The following PDGFRL variants were observed in gnomAD, a reference collection of about 807,000 sequenced individuals.
The protein encoded by PDGFRL is platelet-derived growth factor receptor-like protein.
PDGFRL carries 46 observed loss-of-function variants against 37.2 expected under a neutral mutation model. That is an observed-to-expected ratio of 1.24 (90% CI 0.98 to 1.58). The LOEUF (loss-of-function observed/expected upper bound fraction) is 1.58. Among genes scored for constraint, PDGFRL ranks in the 40% most tolerant of loss-of-function variants. The probability of loss-of-function intolerance (pLI) is 0.00; values close to 1 mark genes in which losing one functional copy is unlikely to be tolerated. For missense variants in PDGFRL, 692 were observed against 467.6 expected (o/e 1.48, Z -4.43); for synonymous variants, 251 against 184.3 (o/e 1.36, Z -2.93).
intron 1 of PDGFRL, among the ~76,000 whole-genome samples, chr8:17,578,324 C>T (rs1245981627): frequency 6.6e-6 from 1 of 152,186 alleles, no homozygotes; most frequent in African/African-American, 2.4e-5. Flanking sequence ...TTCATCCTGA[C>T]CAGTTCCTTT....
At chr8:17,609,634 TAAAAAAA>T (rs3040922) in intron 2 of PDGFRL, among the ~76,000 whole-genome samples, 647 of 43,546 alleles carry the variant, frequency 0.015, 9 homozygotes, top group Middle Eastern at 0.05. Context: ...TGAGACTCTG[TAAAAAAA>T]AAAAAAAAAA....
intron 1 of PDGFRL, among the ~76,000 whole-genome samples, chr8:17,588,904 A>G (rs182143158): frequency 6.6e-6 from 1 of 152,172 alleles, no homozygotes; most frequent in African/African-American, 2.4e-5. Context: ...TTGTTTTCTA[A>G]GGGCAAATTT....
intron 2 of PDGFRL, among the ~76,000 whole-genome samples, chr8:17,595,340 C>T (rs1804029009): frequency 6.6e-6 from 1 of 152,162 alleles, no homozygotes; most frequent in Non-Finnish European, 1.5e-5. Flanking sequence ...CCAAAGGTGC[C>T]CAGGGTCTGG....
intron 2 of PDGFRL, among the ~76,000 whole-genome samples, chr8:17,608,987 G>T (rs530335664): frequency 6.6e-6 from 1 of 152,320 alleles, no homozygotes; most frequent in Admixed American, 6.5e-5. Flanking sequence ...GGCAGACTGA[G>T]GCAGGAGGAT....
chr8:17,640,342 T>A (rs1805065704), intron 5 of PDGFRL, among the ~76,000 whole-genome samples: 1 of 152,172 alleles, frequency 6.6e-6, no homozygotes, highest in South Asian at 2.1e-4. Context: ...TTCTGGGGTG[T>A]TAAAGAAACT....
intron 2 of PDGFRL, among the ~76,000 whole-genome samples, chr8:17,606,897 T>TG (rs1804292297): frequency 1.2e-4 from 1 of 8,442 alleles, no homozygotes. Flanking sequence ...TTTTTTTGTT[T>TG]TTTTTTTTTT....
intron 2 of PDGFRL, chr8:17,596,358 C>T (rs1804052644): frequency 1.6e-6 from 2 of 1,237,886 alleles, no homozygotes; most frequent in East Asian, 5.8e-5. Context: ...GCCAACGCGC[C>T]CGCAGGACCG....
At chr8:17,587,124 G>C (rs943556835) in intron 1 of PDGFRL, among the ~76,000 whole-genome samples, 3 of 152,158 alleles carry the variant, frequency 2.0e-5, no homozygotes, top group African/African-American at 2.4e-5. Context: ...CACTAGGCTG[G>C]CTCCTTTAGC....
chr8:17,620,839 TTTC>T (rs1055018388), intron 2 of PDGFRL, among the ~76,000 whole-genome samples: 1 of 136,552 alleles, frequency 7.3e-6, no homozygotes, highest in African/African-American at 2.7e-5. Flanking sequence ...TTTTTCCTGA[TTTC>T]TTTTTTTTCA....
At chr8:17,629,085 CTTTTTTTTTTTT>C (rs397892660) in intron 4 of PDGFRL, among the ~76,000 whole-genome samples, 1 of 122,934 alleles carries the variant, frequency 8.1e-6, no homozygotes, top group African/African-American at 3.1e-5. Flanking sequence ...GCCCTGCTAA[CTTTTTTTTTTTT>C]TTTTTTTTGT....
chr8:17,635,938 C>G (rs1804962514), intron 5 of PDGFRL, among the ~76,000 whole-genome samples: 1 of 152,158 alleles, frequency 6.6e-6, no homozygotes, highest in Non-Finnish European at 1.5e-5. Context: ...ATTGTCTATT[C>G]ATGTCCTAAG....
intron 3 of PDGFRL, among the ~76,000 whole-genome samples, chr8:17,622,404 GTAGACCTAGACATAGGCC>G (rs3831579): frequency 0.35 from 53,801 of 151,846 alleles, 9,589 homozygotes; most frequent in South Asian, 0.42. Context: ...CCTTTCAGAC[GTAGACCTAGACATAGGCC>G]TAGACCTAGA....
At position 17,589,467 on chromosome 8, in the gene PDGFRL, G is replaced by A. The variant is rs148621243; in HGVS notation, c.56-1G>A. The A allele has an allele frequency of 7.8e-5, 126 of 1,609,384 alleles. No homozygotes were observed. Among genetic ancestry groups the A allele is most frequent in the South Asian group, 1.7e-4 (15 of 90,818 alleles). ...CATTTCTCTCTCCTTACGTTTTGCA[G>A]TTACTGGCCAACACCTTCCCAAGAA... On this transcript the variant is annotated splice_acceptor_variant, in intron 1 of 5. Transcript: ENST00000251630. LOFTEE classifies it high-confidence loss of function.
intron 2 of PDGFRL, among the ~76,000 whole-genome samples, chr8:17,610,099 C>T (rs1447611209): frequency 6.6e-6 from 1 of 152,174 alleles, no homozygotes; most frequent in East Asian, 1.9e-4. Flanking sequence ...TGCACGCCTG[C>T]CCATTAGTAA....
chr8:17,582,971 A>G (rs1017805987), intron 1 of PDGFRL, among the ~76,000 whole-genome samples: 1 of 152,140 alleles, frequency 6.6e-6, no homozygotes, highest in Non-Finnish European at 1.5e-5. Flanking sequence ...CCTTCACTTA[A>G]AAGGTCCCAG....
chr8:17,583,390 G>C (rs559656352), intron 1 of PDGFRL, among the ~76,000 whole-genome samples: 2 of 152,180 alleles, frequency 1.3e-5, no homozygotes, highest in African/African-American at 4.8e-5. Context: ...TAGAGGGGTG[G>C]GGAGGGCGAA....
intron 1 of PDGFRL, among the ~76,000 whole-genome samples, 200 bp downstream of exon 1, chr8:17,577,507 C>T (rs143948793): frequency 1.3e-5 from 2 of 152,076 alleles, no homozygotes; most frequent in African/African-American, 2.4e-5. Context: ...CCCGGAGAGC[C>T]CTCTAGGGGT....
At chr8:17,599,696 T>G (rs992663210) in intron 2 of PDGFRL, among the ~76,000 whole-genome samples, 1 of 152,198 alleles carries the variant, frequency 6.6e-6, no homozygotes, top group Non-Finnish European at 1.5e-5. Flanking sequence ...TCACTTTTTC[T>G]CTCTTCTTAA....
At chr8:17,621,405 G>GTTTTT (rs111351818) in intron 3 of PDGFRL, among the ~76,000 whole-genome samples, 8 of 141,418 alleles carry the variant, frequency 5.7e-5, no homozygotes, top group Non-Finnish European at 1.2e-4. Flanking sequence ...TATTATTCCT[G>GTTTTT]TTTTTTTTTT....
Sources: gnomAD v4.1 joint callset for allele counts (sites outside exome capture counted in the v4.1 genomes callset) on GRCh38, gnomAD v4.1.1 for gene constraint, MANE v1.5 for transcripts, NCBI Gene and HGNC (gene_info 2026-07-23, HGNC 2026-07-21) for gene names.